The following RNF17 variants were observed in gnomAD, a reference collection of about 807,000 sequenced individuals.
RNF17 encodes ring finger protein 17, also known as spermatogenesis associated 23.
A neutral mutation model predicts 200.5 loss-of-function variants in RNF17; 31 were observed. The observed-to-expected ratio is 0.15, with a 90% confidence interval of 0.12 to 0.21. The LOEUF (loss-of-function observed/expected upper bound fraction) is 0.21. Among genes scored for constraint, RNF17 ranks in the 10% least tolerant of loss-of-function variants. The pLI is 1.00. For synonymous variants in RNF17, 606 were observed against 637.8 expected, an observed-to-expected ratio of 0.95 and a Z score of 0.75; for missense variants, 1,628 against 1,905.1, an observed-to-expected ratio of 0.85 and a Z score of 2.71.
At chr13:24,794,719 C>T (rs543173694) in intron 10 of RNF17, among the ~76,000 whole-genome samples, 2 of 152,096 alleles carry the variant, frequency 1.3e-5, no homozygotes, top group South Asian at 4.2e-4. Flanking sequence ...AAATATTCCC[C>T]CCAATAAAAA....
upstream of RNF17, among the ~76,000 whole-genome samples, chr13:24,763,897 T>C (rs1386855540): frequency 6.6e-5 from 10 of 152,170 alleles, no homozygotes; most frequent in Admixed American, 6.5e-4. Context: ...ATAAAGTCAC[T>C]CACAATGTAA....
rs1287157582 is a variant in RNF17 at position 24,870,690 on chromosome 13, G to T, written c.4398G>T (p.Arg1466Ser). 30 of 1,614,080 alleles carry T rather than the reference G, an allele frequency of 1.9e-5. No homozygotes were observed. Among genetic ancestry groups the T allele is most frequent in the Non-Finnish European group, 2.4e-5 (28 of 1,180,002 alleles). The change falls in exon 32 of 36, where the codon AGG becomes AGT. Residue 1466 changes from arginine (R) to serine (S), a missense_variant. By Grantham distance (110) the Arg-to-Ser change is moderately radical. Coordinates refer to ENST00000255324, the MANE Select transcript of RNF17 (RefSeq NM_031277.3). ...ESESLDEALQRVNKKVEALPP... is the reference protein window; with the variant it reads ...ESESLDEALQSVNKKVEALPP... ...AGAGCCTTGATGAAGCACTGCAGAG[G>T]GTTAATAAGAAGGTAGAGGCGCTTC...
intron 1 of RNF17, among the ~76,000 whole-genome samples, chr13:24,766,969 A>G (rs1352017900): frequency 1.3e-5 from 2 of 152,246 alleles, no homozygotes; most frequent in African/African-American, 4.8e-5. Context: ...TGTAGTAGGT[A>G]TCTTTTCCTG....
chr13:24,824,738 T>C (rs1001550945), intron 15 of RNF17, among the ~76,000 whole-genome samples: 1 of 152,216 alleles, frequency 6.6e-6, no homozygotes, highest in African/African-American at 2.4e-5. Context: ...TGGATATTCA[T>C]ATAATGCCAA....
intron 15 of RNF17, among the ~76,000 whole-genome samples, chr13:24,818,644 C>G (rs905769140): frequency 1.3e-5 from 2 of 152,008 alleles, no homozygotes; most frequent in African/African-American, 4.8e-5. Flanking sequence ...TCCTTTCTCT[C>G]TTGTAAGAAT....
At chr13:24,749,978 C>T in the RNF17 span, among the ~76,000 whole-genome samples, 2 of 152,124 alleles carry the variant, frequency 1.3e-5, no homozygotes, top group African/African-American at 2.4e-5. Context: ...TCTCAAACTC[C>T]TTACCTCAAG....
chr13:24,838,174 A>G (rs4770750), intron 18 of RNF17, among the ~76,000 whole-genome samples: 65,487 of 151,874 alleles, frequency 0.43, 14,203 homozygotes, highest in East Asian at 0.47. Flanking sequence ...ACCAATAACA[A>G]GCAGCAAAAT....
chr13:24,876,497 C>T (rs1051687005), intron 33 of RNF17, among the ~76,000 whole-genome samples: 3 of 152,232 alleles, frequency 2.0e-5, no homozygotes, highest in Admixed American at 1.3e-4. Context: ...TGAGGAACCT[C>T]CATGCTGTTT....
intron 16 of RNF17, among the ~76,000 whole-genome samples, 186 bp from the exon 17 acceptor site, chr13:24,830,298 T>G (rs1283024206): frequency 2.0e-5 from 3 of 152,212 alleles, no homozygotes; most frequent in African/African-American, 7.2e-5. Flanking sequence ...TTTTTCATTC[T>G]TATAAGTCTG....
At chr13:24,886,507 G>C in the RNF17 span, 1 of 497,116 alleles carries the variant, frequency 2.0e-6, no homozygotes, top group African/African-American at 2.0e-5. Flanking sequence ...AATAACATCA[G>C]AGGGATCAGT....
chr13:24,877,866 C>T (rs1895017361), intron 34 of RNF17, among the ~76,000 whole-genome samples: 1 of 152,210 alleles, frequency 6.6e-6, no homozygotes, highest in African/African-American at 2.4e-5. Flanking sequence ...TTAGGCTCAG[C>T]ATGTCACAGT....
Position 24,870,456 on chromosome 13 carries a change from T to C in RNF17, c.4279-115T>C, listed in dbSNP as rs1421867606. 9.3e-6 allele frequency: 7 copies of C among 750,570 alleles called. No homozygotes were observed. In the East Asian group the frequency reaches 1.0e-4, roughly 11 times the overall value. 46.5% of individuals were successfully genotyped at this position (750,570 alleles called of 1,614,324 possible). A position where few individuals can be genotyped will look rare whatever the true frequency, so the allele number is the denominator to read the frequency against. ...GGAATAGGAGGTGAATATCAGGAGGTGTAGGGGTCTCTGGGAGCATCGCTG... is the reference window on the plus strand; with the variant it reads ...GGAATAGGAGGTGAATATCAGGAGGCGTAGGGGTCTCTGGGAGCATCGCTG... On this transcript the variant is annotated intron_variant, in intron 31 of 35. Transcript: ENST00000255324.
chr13:24,853,571 T>C (rs942538912), intron 24 of RNF17, among the ~76,000 whole-genome samples: 2 of 152,192 alleles, frequency 1.3e-5, no homozygotes, highest in African/African-American at 4.8e-5. Context: ...TCTAGTAACA[T>C]TGAATTCATT....
intron 27 of RNF17, 27 bp from the exon 28 acceptor site, chr13:24,862,686 G>A: frequency 4.9e-6 from 7 of 1,435,824 alleles, no homozygotes; most frequent in Non-Finnish European, 6.9e-6. Context: ...AAGCATAAAA[G>A]AATCTGAGTT....
At chr13:24,785,340 A>C (rs1054514743) in intron 6 of RNF17, among the ~76,000 whole-genome samples, 2 of 152,086 alleles carry the variant, frequency 1.3e-5, no homozygotes, top group Non-Finnish European at 2.9e-5. Flanking sequence ...GGGATTTAGG[A>C]GCATATTGTT....
At chr13:24,815,789 A>G (rs1364805048) in intron 15 of RNF17, among the ~76,000 whole-genome samples, 3 of 151,930 alleles carry the variant, frequency 2.0e-5, no homozygotes, top group Admixed American at 6.6e-5. Context: ...AGGGTGTTCA[A>G]TTTTTCAAAT....
At chr13:24,881,838 A>ATATATAGATACATC (rs1566272446), downstream of RNF17, among the ~76,000 whole-genome samples, 270 of 115,414 alleles carry the variant, frequency 2.3e-3, 17 homozygotes, top group East Asian at 4.1e-3. Flanking sequence ...ATCTATATAG[A>ATATATAGATACATC]TATATAGATA....
At chr13:24,758,049 T>G in the RNF17 span, among the ~76,000 whole-genome samples, 1 of 152,174 alleles carries the variant, frequency 6.6e-6, no homozygotes, top group African/African-American at 2.4e-5. Context: ...TTCCCCTCAC[T>G]TTCCACCATG....
chr13:24,814,192 G>T (rs2137858413), intron 15 of RNF17, among the ~76,000 whole-genome samples: 1 of 152,284 alleles, frequency 6.6e-6, no homozygotes, highest in Admixed American at 6.5e-5. Flanking sequence ...TCACCTTCAT[G>T]TTGAATAGGC....
Sources: allele counts gnomAD v4.1 joint callset (sites outside exome capture counted in the v4.1 genomes callset), GRCh38; gene constraint gnomAD v4.1.1; transcripts MANE v1.5; gene names NCBI Gene and HGNC (gene_info 2026-07-23, HGNC 2026-07-21).